The following ARHGAP45 variants were observed in gnomAD, a reference collection of about 807,000 sequenced individuals.
ARHGAP45 encodes Rho GTPase activating protein 45.
A neutral mutation model predicts 116.1 loss-of-function variants in ARHGAP45; 56 were observed. The ratio of observed to expected loss-of-function variants is 0.48; its 90% confidence interval spans 0.39 to 0.60. The LOEUF (loss-of-function observed/expected upper bound fraction) is 0.60, where lower values mean the gene tolerates loss of function less well. ARHGAP45 is among the 20% of genes least tolerant of loss of function. The pLI, the probability that ARHGAP45 is intolerant of heterozygous loss-of-function variation, is 0.00. For missense variants in ARHGAP45, 1,622 were observed against 1,601.0 expected (o/e 1.01, Z -0.22); for synonymous variants, 866 against 701.7 (o/e 1.23, Z -3.70).
rs1443235993 is a variant in ARHGAP45, at chr19:1,074,624, C to T, written c.1004C>T (p.Pro335Leu). The part of the protein sequence containing the change: ...RQSVMQEPHM[P>L]LLSIYSLALE... ...GTGCCCCACCCACAGCCCCACATGC[C>T]GCTCCTGTCCATCTACTCGCTGGCC... Residue 335 changes from proline to leucine, a missense_variant, in exon 9 of 23, where the codon CCG becomes CTG. Pro to Leu is a moderately conservative substitution (Grantham distance 98). Coordinates refer to ENST00000313093, the MANE Select transcript of ARHGAP45 (RefSeq NM_012292.5). 1.3e-6 allele frequency: 2 copies of T among 1,592,308 alleles called. No individual in the cohort carries two copies. The highest frequency in any genetic ancestry group is 1.3e-5 in the African/African-American group (1 of 74,618).
intron 10 of ARHGAP45, 48 bp downstream of exon 10, chr19:1,074,927 C>G: frequency 6.9e-7 from 1 of 1,451,116 alleles, no homozygotes; most frequent in Non-Finnish European, 9.2e-7. Context: ...CGGGCCTCGG[C>G]GCAGGCGCAG....
At chr19:1,073,459 A>G (rs770975190) in intron 3 of ARHGAP45, 47 bp from the exon 4 acceptor site, 1 of 1,589,078 alleles carries the variant, frequency 6.3e-7, no homozygotes, top group South Asian at 1.1e-5. Context: ...AGGGATGGTC[A>G]CCTCCCAGAG....
chr19:1,066,210 G>T, upstream of ARHGAP45: 2 of 1,370,196 alleles, frequency 1.5e-6, no homozygotes, highest in Non-Finnish European at 1.9e-6. Context: ...GGGGTTTTGG[G>T]ATTGGGGGTG....
At chr19:1,065,975 C>T (rs2043021709), upstream of ARHGAP45, 3 of 1,521,532 alleles carry the variant, frequency 2.0e-6, no homozygotes, top group South Asian at 3.6e-5. Context: ...GGGCCAGAAG[C>T]CCATCCGACA....
intron 21 of ARHGAP45, among the ~76,000 whole-genome samples, chr19:1,083,641 C>T (rs1305286575): frequency 6.6e-6 from 1 of 152,184 alleles, no homozygotes; most frequent in East Asian, 1.9e-4. Flanking sequence ...CCCCGTTTCC[C>T]ATCCCGGTGC....
rs763610281 is a variant in ARHGAP45 at position 1,081,691 on chromosome 19, G to C, written c.2332G>C (p.Val778Leu). ...RSAPDGVPFI[V>L]KKCVCEIERR... The stretch of plus-strand genomic sequence containing the variant: ...CGCCCCCGACGGCGTGCCCTTCATC[G>C]TCAAGAAGTGCGTCTGCGAGATCGA... Residue 778 changes from valine to leucine, a missense_variant, in exon 18 of 23, where the codon GTC becomes CTC. Physicochemically the swap from Val to Leu is conservative, Grantham distance 32. Transcript: ENST00000313093. 3 of 1,589,082 alleles carry C rather than the reference G, an allele frequency of 1.9e-6. No homozygotes were observed. The highest frequency in any genetic ancestry group is 2.3e-5 in the South Asian group (2 of 88,360).
At chr19:1,082,299 G>T (rs2043463737) in intron 19 of ARHGAP45, among the ~76,000 whole-genome samples, 1 of 151,272 alleles carries the variant, frequency 6.6e-6, no homozygotes, top group African/African-American at 2.4e-5. Context: ...GCCGGGGCTC[G>T]GTGGGGCGTG....
At position 1,074,536 on chromosome 19, in the gene ARHGAP45, G is replaced by C. The variant is rs578092303; in HGVS notation, c.994-78G>C. The stretch of plus-strand genomic sequence containing the variant: ...TTAACGGGGGTGGCTGCAGGGACCA[G>C]GGAGCTGGTGGCTGGGGGTGCTGGG... On this transcript the variant is annotated intron_variant, in intron 8 of 22. Transcript: ENST00000313093. The C allele has an allele frequency of 2.1e-5, 30 of 1,425,308 alleles. No individual in the cohort carries two copies. In the African/African-American group the frequency reaches 2.6e-4, roughly 12 times the overall value. 88.3% of individuals were successfully genotyped at this position (1,425,308 alleles called of 1,614,324 possible).
chr19:1,069,635 T>G lies in ARHGAP45; in HGVS notation c.421+891T>G, dbSNP rs1194450549. 6.6e-6 allele frequency among the ~76,000 whole-genome samples: 1 copy of G among 152,076 alleles called. No individual in the cohort carries two copies. ...TAGTTGGGGAAGGCCCGGTCCCCAC[T>G]GGGAGGAGTGGGAGCCCCCGGGTTA... On this transcript the variant is annotated intron_variant, in intron 2 of 22. Transcript: ENST00000313093. This position sits in a 1 kb window ranked among gnomAD's most constrained non-coding sequence, Gnocchi z 4.1.
Position 1,071,313 on chromosome 19 carries a change from C to T in ARHGAP45, c.422-1836C>T, listed in dbSNP as rs4807506. 0.7 allele frequency: 1,017,458 copies of T among 1,445,214 alleles called. 360,670 individuals carry two copies. Among genetic ancestry groups the T allele is most frequent in the Admixed American group, 0.81 (31,883 of 39,200 alleles). 89.5% of individuals were successfully genotyped at this position (1,445,214 alleles called of 1,614,324 possible). A position where few individuals can be genotyped will look rare whatever the true frequency, so the allele number is the denominator to read the frequency against. On this transcript the variant is annotated intron_variant, in intron 2 of 22. Transcript: ENST00000313093. This position sits in a 1 kb window ranked among gnomAD's most constrained non-coding sequence, Gnocchi z 4.6. ...CATGTGTATCTGCGGGACGGCGCACCCGGTGCTGGACGAGGGCCCCGTGCG... is the reference window on the plus strand; with the variant it reads ...CATGTGTATCTGCGGGACGGCGCACTCGGTGCTGGACGAGGGCCCCGTGCG...
chr19:1,067,872 T>C (rs1162601157), intron 1 of ARHGAP45, among the ~76,000 whole-genome samples: 3 of 148,708 alleles, frequency 2.0e-5, no homozygotes, highest in African/African-American at 7.5e-5. Context: ...GGCTGAAGGT[T>C]GACCGGGCAG....
Position 1,086,108 on chromosome 19 carries a change from G to C in ARHGAP45, c.*102G>C. 9.0e-7 allele frequency: 1 copy of C among 1,114,316 alleles called. No individual in the cohort carries two copies. 69.0% of individuals were successfully genotyped at this position (1,114,316 alleles called of 1,614,324 possible). A position where few individuals can be genotyped will look rare whatever the true frequency, so the allele number is the denominator to read the frequency against. Reference sequence around the variant, plus strand: ...GCATAGCTTAGGTGCGCCGTCCTGGGGTCGCTGCCGAGAGCGCCTGGACTT... The same window carrying C: ...GCATAGCTTAGGTGCGCCGTCCTGGCGTCGCTGCCGAGAGCGCCTGGACTT... On this transcript the variant is annotated 3_prime_UTR_variant, in exon 23 of 23. Transcript: ENST00000313093.
rs1044160668 is a variant in ARHGAP45, at chr19:1,068,065, G to C, written c.91-349G>C. 5.3e-5 allele frequency among the ~76,000 whole-genome samples: 8 copies of C among 151,892 alleles called. No homozygotes were observed. The highest frequency in any genetic ancestry group is 1.9e-4 in the African/African-American group (8 of 41,322). On this transcript the variant is annotated intron_variant, in intron 1 of 22. Transcript: ENST00000313093. This position sits in a 1 kb window ranked among gnomAD's most constrained non-coding sequence, Gnocchi z 7.5. The stretch of plus-strand genomic sequence containing the variant: ...AGGGGACAGACAGAGTCAGAAGTGT[G>C]TTCACTTAAAGCACCTGCGTTGTAG...
At chr19:1,080,613 T>C in intron 15 of ARHGAP45, 66 bp downstream of exon 15, 1 of 1,605,896 alleles carries the variant, frequency 6.2e-7, no homozygotes, top group Non-Finnish European at 8.5e-7. Context: ...CAGGGTTTCA[T>C]CACCCACCGG....
chr19:1,080,028 A>G lies in ARHGAP45; in HGVS notation c.1613A>G (p.Gln538Arg). The change falls in exon 13 of 23, where the codon CAG becomes CGG. Residue 538 changes from glutamine to arginine, a missense_variant. Gln to Arg is a conservative substitution (Grantham distance 43). This residue lies in a region of ARHGAP45 where 1,334 missense variants were observed against 1,263.8 expected (regional missense o/e 1.06). Coordinates refer to ENST00000313093, the MANE Select transcript of ARHGAP45 (RefSeq NM_012292.5). ...CESSKLYDPG[Q>R]QYASHVRQLQ... ...AGCAGCAAGCTGTATGACCCAGGCC[A>G]GCAGTACGCCTCCCACGTGCGCCAG... 1 of 1,612,930 alleles carries G rather than the reference A, an allele frequency of 6.2e-7. No individual in the cohort carries two copies. Among genetic ancestry groups the G allele is most frequent in the Non-Finnish European group, 8.5e-7 (1 of 1,179,914 alleles).
At chr19:1,074,922 C>T in intron 10 of ARHGAP45, 43 bp downstream of exon 10, 2 of 1,457,386 alleles carry the variant, frequency 1.4e-6, no homozygotes, top group Middle Eastern at 2.5e-4. Flanking sequence ...GGCAGCGGGC[C>T]TCGGCGCAGG....
intron 11 of ARHGAP45, 138 bp downstream of exon 11, chr19:1,078,183 G>A (rs1018240874): frequency 1.7e-5 from 24 of 1,373,138 alleles, no homozygotes; most frequent in Middle Eastern, 2.7e-4. Flanking sequence ...TTGCTCTGTC[G>A]CCCAGGCTGG....
chr19:1,082,851 G>A lies in ARHGAP45; in HGVS notation c.2529G>A (p.Pro843=), dbSNP rs144974710. ...TTGACTCTGCGCAGCTTCCCGAGCC[G>A]CTCATCTCCTTCCGCCTCTACCACG... The part of the protein sequence containing the change: ...LKLYLRQLPE[P]LISFRLYHEL... The change falls in exon 20 of 23, where the codon CCG becomes CCA. Residue 843 remains proline, a synonymous_variant. Coordinates refer to ENST00000313093, the MANE Select transcript of ARHGAP45 (RefSeq NM_012292.5). The A allele has an allele frequency of 2.0e-6, 3 of 1,523,040 alleles. No individual in the cohort carries two copies. Among genetic ancestry groups the A allele is most frequent in the African/African-American group, 1.4e-5 (1 of 72,690 alleles). The allele number at this position is 1,523,040 out of a possible 1,614,324, so 94.3% of individuals were successfully genotyped here.
Position 1,081,716 on chromosome 19 carries a change from AGC to A in ARHGAP45, c.2359_2360del (p.Arg787AlafsTer114), listed in dbSNP as rs2043441797. On this transcript the variant is annotated frameshift_variant, in exon 18 of 23. Transcript: ENST00000313093. LOFTEE classifies it high-confidence loss of function. The stretch of plus-strand genomic sequence containing the variant: ...GTCAAGAAGTGCGTCTGCGAGATCG[AGC>A]GGCGGGCGCTGCGCACCAAGGTGAG... The A allele has an allele frequency of 6.4e-7, 1 of 1,573,140 alleles. No homozygotes were observed. The highest frequency in any genetic ancestry group is 1.4e-5 in the African/African-American group (1 of 74,000).
Sources: allele counts gnomAD v4.1 joint callset (sites outside exome capture counted in the v4.1 genomes callset), GRCh38; gene constraint gnomAD v4.1.1; regional missense constraint gnomAD v4.1.1; non-coding constraint Gnocchi (gnomAD v3.1); transcripts MANE v1.5; gene names NCBI Gene and HGNC (gene_info 2026-07-23, HGNC 2026-07-21).